Variants in SLC24A3 observed in about 807,000 individuals in gnomAD.
The protein encoded by SLC24A3 is sodium/potassium/calcium exchanger 3.
SLC24A3 carries 28 observed loss-of-function variants against 75.8 expected under a neutral mutation model. The observed-to-expected ratio is 0.37, with a 90% CI of 0.27 to 0.51. The LOEUF (loss-of-function observed/expected upper bound fraction) is 0.51, where lower values mean the gene tolerates loss of function less well. SLC24A3 is among the 20% of genes least tolerant of loss of function. The pLI, the probability that SLC24A3 is intolerant of heterozygous loss-of-function variation, is 0.94. For missense variants in SLC24A3, 663 were observed against 847.8 expected (o/e 0.78, Z 2.71); for synonymous variants, 372 against 334.1 (o/e 1.11, Z -1.24).
At chr20:19,499,072 C>G (rs1222725055) in intron 2 of SLC24A3, among the ~76,000 whole-genome samples, 1 of 152,290 alleles carries the variant, frequency 6.6e-6, no homozygotes, top group African/African-American at 2.4e-5. Flanking sequence ...AGTGTTGGAG[C>G]CTTCACATTT....
At chr20:19,682,018 C>A in intron 10 of SLC24A3, 27 bp downstream of exon 10, 1 of 1,611,080 alleles carries the variant, frequency 6.2e-7, no homozygotes, top group South Asian at 1.1e-5. Flanking sequence ...CTTTGGGGTC[C>A]AAGGCAGGAG....
Position 19,534,010 on chromosome 20 carries a change from G to A in SLC24A3, c.348+18446G>A, listed in dbSNP as rs139748623. ...CAGAAGCCCTGGGGCAGTGGTGTTT[G>A]CAGGGTTCAGTTGACTCTATCTGTT... is the stretch of plus-strand genomic sequence containing the variant. On this transcript the variant is annotated intron_variant, in intron 3 of 16. Coordinates refer to ENST00000328041, the MANE Select transcript of SLC24A3 (RefSeq NM_020689.4). 6.0e-3 allele frequency among the ~76,000 whole-genome samples: 910 copies of A among 152,350 alleles called. 6 individuals carry two copies. Among genetic ancestry groups the A allele is most frequent in the Middle Eastern group, 0.027 (8 of 294 alleles).
intron 3 of SLC24A3, among the ~76,000 whole-genome samples, chr20:19,554,076 G>A (rs1456701534): frequency 6.6e-6 from 1 of 152,154 alleles, no homozygotes; most frequent in Non-Finnish European, 1.5e-5. Flanking sequence ...TGGAAATTGG[G>A]TATCCTCTAT....
chr20:19,382,070 C>T (rs748041608), intron 2 of SLC24A3, among the ~76,000 whole-genome samples: 1 of 152,194 alleles, frequency 6.6e-6, no homozygotes, highest in Non-Finnish European at 1.5e-5. Context: ...TTAATGCAGA[C>T]GTTTGCCACG....
intron 2 of SLC24A3, among the ~76,000 whole-genome samples, chr20:19,455,465 A>C (rs1987562138): frequency 1.3e-5 from 2 of 152,202 alleles, no homozygotes; most frequent in African/African-American, 4.8e-5. Context: ...GTATGTAAAC[A>C]GATTCTTGCA....
At chr20:19,641,989 A>G (rs1417229687) in intron 6 of SLC24A3, among the ~76,000 whole-genome samples, 1 of 152,208 alleles carries the variant, frequency 6.6e-6, no homozygotes, top group African/African-American at 2.4e-5. Flanking sequence ...ACCTGGCTCA[A>G]AACGTAGTCC....
intron 2 of SLC24A3, chr20:19,284,407 C>G (rs1349100389): frequency 1.3e-5 from 2 of 152,884 alleles, no homozygotes; most frequent in Non-Finnish European, 2.9e-5. Flanking sequence ...ATAGTGCCAT[C>G]TGCCCTCGAA....
intron 6 of SLC24A3, among the ~76,000 whole-genome samples, chr20:19,593,492 G>T (rs1413198166): frequency 1.3e-5 from 2 of 152,212 alleles, no homozygotes; most frequent in Admixed American, 6.5e-5. Context: ...GGCAGGCACT[G>T]TCTCGCAGCG....
chr20:19,586,632 G>A (rs1396948759), intron 6 of SLC24A3, among the ~76,000 whole-genome samples: 3 of 152,132 alleles, frequency 2.0e-5, no homozygotes, highest in South Asian at 2.1e-4. Context: ...AGGATACCCC[G>A]GGTCCACCAT....
intron 1 of SLC24A3, among the ~76,000 whole-genome samples, chr20:19,235,811 C>G (rs1335327217): frequency 6.6e-6 from 1 of 152,216 alleles, no homozygotes; most frequent in African/African-American, 2.4e-5. Flanking sequence ...CAAGGTGCAA[C>G]TGAGCCCTGC....
At chr20:19,555,791 A>AC (rs1393322395) in intron 3 of SLC24A3, among the ~76,000 whole-genome samples, 27 of 152,350 alleles carry the variant, frequency 1.8e-4, no homozygotes, top group African/African-American at 6.5e-4. Flanking sequence ...CCTCCCTATG[A>AC]CAAATACACC....
intron 9 of SLC24A3, among the ~76,000 whole-genome samples, chr20:19,676,890 C>T (rs1421620243): frequency 6.6e-6 from 1 of 152,196 alleles, no homozygotes; most frequent in Non-Finnish European, 1.5e-5. Context: ...AGCAGAGCCC[C>T]CTGCCACTGA....
At chr20:19,581,217 C>T (rs2031214005) in intron 4 of SLC24A3, among the ~76,000 whole-genome samples, 1 of 152,084 alleles carries the variant, frequency 6.6e-6, no homozygotes, top group Non-Finnish European at 1.5e-5. Context: ...AGGAATTCCA[C>T]CTGAGAGTGG....
intron 7 of SLC24A3, among the ~76,000 whole-genome samples, chr20:19,665,451 A>G (rs2122721439): frequency 1.3e-5 from 2 of 152,384 alleles, no homozygotes; most frequent in African/African-American, 4.8e-5. Flanking sequence ...ACAGACATGC[A>G]GAAATCTTAC....
intron 3 of SLC24A3, among the ~76,000 whole-genome samples, chr20:19,548,654 A>G (rs566989772): frequency 6.6e-6 from 1 of 152,322 alleles, no homozygotes; most frequent in East Asian, 1.9e-4. Flanking sequence ...TTACCCTTGG[A>G]ATCTCTTTCA....
chr20:19,654,244 G>A (rs974523456), intron 7 of SLC24A3, 108 bp downstream of exon 7: 119 of 929,770 alleles, frequency 1.3e-4, no homozygotes, highest in South Asian at 3.3e-4. Flanking sequence ...TGGCGAGTGC[G>A]AGATGCATGT....
At chr20:19,537,903 G>A (rs2030428329) in intron 3 of SLC24A3, among the ~76,000 whole-genome samples, 1 of 151,200 alleles carries the variant, frequency 6.6e-6, no homozygotes, top group Non-Finnish European at 1.5e-5. Flanking sequence ...GGGAGGGATA[G>A]CATTAGGAGA....
chr20:19,391,368 G>A (rs1018025650), intron 2 of SLC24A3, among the ~76,000 whole-genome samples: 7 of 152,106 alleles, frequency 4.6e-5, no homozygotes, highest in African/African-American at 1.4e-4. Flanking sequence ...CTAGATGTGT[G>A]TTACTGAGGA....
intron 2 of SLC24A3, among the ~76,000 whole-genome samples, chr20:19,483,836 A>G (rs958714417): frequency 6.6e-6 from 1 of 152,180 alleles, no homozygotes; most frequent in East Asian, 1.9e-4. Context: ...AAGAGAACTG[A>G]GGGACCTAAG....
Sources: allele counts gnomAD v4.1 joint callset (sites outside exome capture counted in the v4.1 genomes callset), GRCh38; gene constraint gnomAD v4.1.1; transcripts MANE v1.5; gene names NCBI Gene and HGNC (gene_info 2026-07-23, HGNC 2026-07-21).